VWC2L: variants seen among roughly 807,000 people sequenced by gnomAD.
The protein encoded by VWC2L is von Willebrand factor C domain containing 2 like.
Under a neutral mutation model 21.6 loss-of-function variants are expected in VWC2L, and 10 were observed. That is an observed-to-expected ratio of 0.46 (90% CI 0.29 to 0.78). The LOEUF (loss-of-function observed/expected upper bound fraction) is 0.78, where lower values mean the gene tolerates loss of function less well. Among genes scored for constraint, VWC2L ranks in the 30% least tolerant of loss-of-function variants. The pLI is 0.10. For synonymous variants in VWC2L, 96 were observed against 94.3 expected (o/e 1.02, Z -0.10); for missense variants, 209 against 277.1 (o/e 0.75, Z 1.74).
At chr2:214,488,326 G>GGT (rs1320454450) in intron 3 of VWC2L, among the ~76,000 whole-genome samples, 1 of 152,180 alleles carries the variant, frequency 6.6e-6, no homozygotes, top group Admixed American at 6.5e-5. Flanking sequence ...GGCTGGGCAT[G>GGT]GTGGTTCACA....
intron 3 of VWC2L, among the ~76,000 whole-genome samples, chr2:214,549,563 G>A (rs1185951341): frequency 2.0e-5 from 3 of 152,160 alleles, no homozygotes; most frequent in Non-Finnish European, 4.4e-5. Flanking sequence ...TCACAAGGTC[G>A]GCAGTTCTAG....
At chr2:214,575,590 C>A in intron 3 of VWC2L, 82 bp from the exon 4 acceptor site, 1 of 1,512,222 alleles carries the variant, frequency 6.6e-7, no homozygotes, top group South Asian at 1.2e-5. Flanking sequence ...TCATTTATGG[C>A]TTTGGGGCTT....
At chr2:214,490,642 G>A (rs1688733276) in intron 3 of VWC2L, among the ~76,000 whole-genome samples, 1 of 152,150 alleles carries the variant, frequency 6.6e-6, no homozygotes, top group Non-Finnish European at 1.5e-5. Context: ...AAGGGAAACA[G>A]GCCCCAGCTG....
chr2:214,549,878 T>C (rs139457416), intron 3 of VWC2L, among the ~76,000 whole-genome samples: 1 of 152,280 alleles, frequency 6.6e-6, no homozygotes, highest in African/African-American at 2.4e-5. Context: ...TTGGATCAGC[T>C]TTCTTGTTCC....
chr2:214,515,711 T>C (rs1168005605), intron 3 of VWC2L, among the ~76,000 whole-genome samples: 5 of 151,942 alleles, frequency 3.3e-5, no homozygotes, highest in Admixed American at 3.3e-4. Flanking sequence ...CCACCACCAG[T>C]CCCGGCTAAT....
intron 3 of VWC2L, among the ~76,000 whole-genome samples, chr2:214,554,596 G>A (rs1689846790): frequency 6.6e-6 from 1 of 152,176 alleles, no homozygotes; most frequent in Non-Finnish European, 1.5e-5. Context: ...CCAGGAGGCA[G>A]AGTTTGCAGT....
At chr2:214,469,066 ACTT>A (rs201293704) in intron 3 of VWC2L, among the ~76,000 whole-genome samples, 2 of 148,466 alleles carry the variant, frequency 1.3e-5, no homozygotes, top group Admixed American at 6.9e-5. Flanking sequence ...CATTTTTAAA[ACTT>A]CTTTGTTATC....
At chr2:214,540,354 A>G (rs1281994071) in intron 3 of VWC2L, among the ~76,000 whole-genome samples, 9 of 152,188 alleles carry the variant, frequency 5.9e-5, no homozygotes, top group Admixed American at 3.9e-4. Context: ...AGCTCAGAAG[A>G]GTTAGGCAAC....
chr2:214,508,923 TCTCCCTCCCTCCTCCTTTTCTTCC>T (rs985731270), intron 3 of VWC2L, among the ~76,000 whole-genome samples: 13 of 152,242 alleles, frequency 8.5e-5, no homozygotes, highest in Admixed American at 7.9e-4. Flanking sequence ...TTCCTTTCCT[TCTCCCTCCCTCCTCCTTTTCTTCC>T]CTCCCTTCCT....
At chr2:214,546,718 T>C (rs976158365) in intron 3 of VWC2L, among the ~76,000 whole-genome samples, 2 of 152,104 alleles carry the variant, frequency 1.3e-5, no homozygotes, top group African/African-American at 4.8e-5. Flanking sequence ...CTCTAGTTTT[T>C]ATAGAAAATT....
intron 3 of VWC2L, among the ~76,000 whole-genome samples, chr2:214,524,740 C>G (rs1461169323): frequency 5.3e-5 from 8 of 152,064 alleles, no homozygotes; most frequent in Non-Finnish European, 1.2e-4. Flanking sequence ...TTTTTTCTCA[C>G]TAATGCCCTC....
At chr2:214,522,244 G>GGGAGCCTGTAGTCCCAGCTACTCC (rs1412693855) in intron 3 of VWC2L, among the ~76,000 whole-genome samples, 1 of 151,856 alleles carries the variant, frequency 6.6e-6, no homozygotes, top group Non-Finnish European at 1.5e-5. Flanking sequence ...GCGTGGTGGC[G>GGGAGCCTGTAGTCCCAGCTACTCC]GGAGCCTGTA....
At chr2:214,511,363 G>A (rs1689049896) in intron 3 of VWC2L, among the ~76,000 whole-genome samples, 2 of 152,286 alleles carry the variant, frequency 1.3e-5, no homozygotes, top group Non-Finnish European at 2.9e-5. Flanking sequence ...TCATATGGAA[G>A]CCCTAATCAC....
chr2:214,420,327 A>G (rs1288503096), intron 2 of VWC2L, among the ~76,000 whole-genome samples: 1 of 152,102 alleles, frequency 6.6e-6, no homozygotes, highest in Non-Finnish European at 1.5e-5. Context: ...TTTTTTTAAT[A>G]TGGAGAAGAA....
chr2:214,461,881 G>T (rs1401968795), intron 3 of VWC2L, among the ~76,000 whole-genome samples: 2 of 152,222 alleles, frequency 1.3e-5, no homozygotes, highest in African/African-American at 4.8e-5. Flanking sequence ...GTTGCTATCA[G>T]TGTCAGCTAC....
intron 3 of VWC2L, among the ~76,000 whole-genome samples, chr2:214,498,894 C>T (rs1688850359): frequency 6.6e-6 from 1 of 150,578 alleles, no homozygotes; most frequent in African/African-American, 2.4e-5. Context: ...ATTTTATTAT[C>T]AAGAAGACAT....
chr2:214,471,866 G>A (rs1703314357), intron 3 of VWC2L, among the ~76,000 whole-genome samples: 1 of 152,128 alleles, frequency 6.6e-6, no homozygotes, highest in African/African-American at 2.4e-5. Context: ...CCAATGACAG[G>A]AAACCCAGCT....
chr2:214,429,807 AATTTT>A (rs749103904), intron 2 of VWC2L, among the ~76,000 whole-genome samples: 30 of 151,978 alleles, frequency 2.0e-4, no homozygotes, highest in Non-Finnish European at 3.2e-4. Context: ...TTACCAAAAA[AATTTT>A]ATTTTATTTT....
chr2:214,445,029 GT>G (rs917231957), intron 3 of VWC2L, among the ~76,000 whole-genome samples: 1 of 151,716 alleles, frequency 6.6e-6, no homozygotes, highest in Non-Finnish European at 1.5e-5. Context: ...TCATCTGTAA[GT>G]TTTTTCATAT....
Sources: gnomAD v4.1 joint callset for allele counts (sites outside exome capture counted in the v4.1 genomes callset) on GRCh38, gnomAD v4.1.1 for gene constraint, MANE v1.5 for transcripts, NCBI Gene and HGNC (gene_info 2026-07-23, HGNC 2026-07-21) for gene names.